Variants in CSMD1 observed in about 807,000 individuals in gnomAD.
CSMD1 encodes CUB and Sushi multiple domains 1.
In CSMD1, 213 loss-of-function variants were observed where a neutral mutation model predicts 417.5. That is an observed-to-expected ratio of 0.51 (90% CI 0.46 to 0.57). The LOEUF (loss-of-function observed/expected upper bound fraction) is 0.57. CSMD1 is among the 20% of genes least tolerant of loss of function. The pLI is 0.00. For missense variants in CSMD1, 6,923 were observed against 4,529.7 expected, an observed-to-expected ratio of 1.53 and a Z score of -15.17; for synonymous variants, 2,862 against 1,736.8, an observed-to-expected ratio of 1.65 and a Z score of -16.11.
At chr8:4,237,392 G>A (rs933547568) in intron 3 of CSMD1, among the ~76,000 whole-genome samples, 1 of 151,908 alleles carries the variant, frequency 6.6e-6, no homozygotes, top group African/African-American at 2.4e-5. Context: ...TATAAAATGA[G>A]GTATTGATAC....
At chr8:4,767,464 C>A (rs1461823798) in intron 1 of CSMD1, among the ~76,000 whole-genome samples, 1 of 152,156 alleles carries the variant, frequency 6.6e-6, no homozygotes, top group African/African-American at 2.4e-5. Flanking sequence ...CTCACTGGGG[C>A]TCTGCCTCCC....
intron 5 of CSMD1, among the ~76,000 whole-genome samples, chr8:3,922,085 T>A (rs1173078701): frequency 2.0e-5 from 3 of 152,134 alleles, no homozygotes; most frequent in African/African-American, 7.2e-5. Context: ...ATATATAATT[T>A]TATATAGTTT....
chr8:4,764,764 T>G (rs947405447), intron 1 of CSMD1, among the ~76,000 whole-genome samples: 16 of 150,250 alleles, frequency 1.1e-4, no homozygotes, highest in African/African-American at 3.4e-4. Flanking sequence ...TCCCAGCTAC[T>G]CTGGAGGCTG....
chr8:3,419,985 G>A (rs749995745), intron 12 of CSMD1, among the ~76,000 whole-genome samples: 11 of 152,128 alleles, frequency 7.2e-5, no homozygotes, highest in Admixed American at 2.0e-4. Flanking sequence ...GATAATAATC[G>A]TTCGCATCTC....
At chr8:4,466,367 A>G (rs1040930807) in intron 2 of CSMD1, among the ~76,000 whole-genome samples, 4 of 152,202 alleles carry the variant, frequency 2.6e-5, no homozygotes, top group Non-Finnish European at 1.5e-5. Context: ...AGGACTAGCC[A>G]TGGAGATGTA....
At chr8:4,034,942 G>A (rs888272049) in intron 3 of CSMD1, among the ~76,000 whole-genome samples, 10 of 152,044 alleles carry the variant, frequency 6.6e-5, no homozygotes, top group Non-Finnish European at 1.2e-4. Flanking sequence ...AAATGCAAAT[G>A]AAACACTCTG....
chr8:4,070,741 G>A (rs74571959), intron 3 of CSMD1, among the ~76,000 whole-genome samples: 87 of 152,214 alleles, frequency 5.7e-4, no homozygotes, highest in African/African-American at 2.0e-3. Context: ...AACCATCTCA[G>A]CATTTCCTCC....
chr8:3,363,232 A>C (rs562719534), intron 20 of CSMD1, among the ~76,000 whole-genome samples: 2 of 152,272 alleles, frequency 1.3e-5, no homozygotes, highest in South Asian at 4.1e-4. Flanking sequence ...CAATTAAAGA[A>C]TGAGCGTACT....
At position 3,649,317 on chromosome 8, in the gene CSMD1, T is replaced by A. The variant is rs1481811890; in HGVS notation, c.1010-32520A>T. Among the ~76,000 whole-genome samples, 3 of 152,206 alleles carry A rather than the reference T, an allele frequency of 2.0e-5. No homozygotes were observed. In the East Asian group the frequency reaches 5.8e-4, roughly 29 times the overall value. ...AAAAAACATGAAACTCTTACAAATC[T>A]ACCTGCATTAAATTGACTGTTAGAA... On this transcript the variant is annotated intron_variant, in intron 7 of 69. Transcript: ENST00000635120.
At chr8:3,276,682 T>C (rs1369159604) in intron 26 of CSMD1, among the ~76,000 whole-genome samples, 1 of 152,172 alleles carries the variant, frequency 6.6e-6, no homozygotes, top group Non-Finnish European at 1.5e-5. Flanking sequence ...TACATATTTA[T>C]TAAAGGCTTT....
intron 51 of CSMD1, among the ~76,000 whole-genome samples, chr8:3,022,233 G>A (rs964447038): frequency 1.3e-5 from 2 of 150,080 alleles, no homozygotes; most frequent in Non-Finnish European, 3.0e-5. Context: ...GAATACACCC[G>A]CAATCCCACA....
intron 3 of CSMD1, among the ~76,000 whole-genome samples, chr8:4,170,792 T>A (rs931752984): frequency 2.6e-5 from 4 of 151,854 alleles, no homozygotes; most frequent in Admixed American, 1.3e-4. Flanking sequence ...ATGGTTCTGT[T>A]TGGGGATTAC....
chr8:4,896,187 G>T (rs772648285), intron 1 of CSMD1, among the ~76,000 whole-genome samples: 7 of 151,884 alleles, frequency 4.6e-5, no homozygotes, highest in Non-Finnish European at 1.0e-4. Flanking sequence ...TTCATATTCA[G>T]CATGGCTTTT....
chr8:3,569,493 G>T (rs543629739), intron 10 of CSMD1, among the ~76,000 whole-genome samples: 1 of 152,092 alleles, frequency 6.6e-6, no homozygotes, highest in African/African-American at 2.4e-5. Context: ...AATTGGCGTC[G>T]GAAACTGCTT....
intron 52 of CSMD1, 28 bp downstream of exon 52, chr8:3,018,449 G>C (rs200564436): frequency 1.2e-6 from 2 of 1,605,562 alleles, no homozygotes; most frequent in Non-Finnish European, 1.7e-6. Context: ...TCTGCATTAA[G>C]TAAGTGCCAG....
intron 5 of CSMD1, among the ~76,000 whole-genome samples, chr8:3,796,575 A>C (rs150903818): frequency 0.023 from 3,403 of 146,032 alleles, 50 homozygotes; most frequent in African/African-American, 0.039. Flanking sequence ...ATCTATATCT[A>C]AGATATAATA....
intron 25 of CSMD1, among the ~76,000 whole-genome samples, chr8:3,303,819 C>T (rs1447062233): frequency 6.6e-6 from 1 of 152,132 alleles, no homozygotes; most frequent in African/African-American, 2.4e-5. Context: ...AAATTTTCTA[C>T]AATGTCTTGT....
intron 2 of CSMD1, among the ~76,000 whole-genome samples, chr8:4,508,959 C>T (rs1410436775): frequency 6.6e-6 from 1 of 152,044 alleles, no homozygotes; most frequent in Non-Finnish European, 1.5e-5. Flanking sequence ...TGAGGGCAGC[C>T]TGAGCTTTCC....
intron 5 of CSMD1, among the ~76,000 whole-genome samples, chr8:3,799,179 C>T (rs1175306444): frequency 1.3e-5 from 2 of 151,952 alleles, no homozygotes; most frequent in Non-Finnish European, 2.9e-5. Context: ...ATTTGACTAT[C>T]ATAAGAAAAA....
Sources: allele counts gnomAD v4.1 joint callset (sites outside exome capture counted in the v4.1 genomes callset), GRCh38; gene constraint gnomAD v4.1.1; transcripts MANE v1.5; gene names NCBI Gene and HGNC (gene_info 2026-07-23, HGNC 2026-07-21).